Variants in MYH15 observed in about 807,000 individuals in gnomAD.
MYH15 encodes the protein myosin heavy chain 15, also known as myosin-15.
Under a neutral mutation model 240.5 loss-of-function variants are expected in MYH15, and 227 were observed. The ratio of observed to expected loss-of-function variants is 0.94; its 90% CI spans 0.85 to 1.05. MYH15 has a LOEUF of 1.05. MYH15 is among the 50% of genes least tolerant of loss of function. MYH15 has a pLI of 0.00. For synonymous variants in MYH15, 785 were observed against 796.7 expected, an observed-to-expected ratio of 0.99 and a Z score of 0.25; for missense variants, 2,217 against 2,247.5, an observed-to-expected ratio of 0.99 and a Z score of 0.27.
In MYH15 at chr3:108,454,148, G is replaced by A. The variant is rs750485778; in HGVS notation, c.2263-6C>T. The A allele has an allele frequency of 2.2e-5, 35 of 1,605,070 alleles. No individual in the cohort carries two copies. Among genetic ancestry groups the A allele is most frequent in the Admixed American group, 1.2e-4 (7 of 59,798 alleles). On this transcript the variant is annotated splice_region_variant and splice_polypyrimidine_tract_variant and intron_variant, in intron 20 of 40. Coordinates refer to ENST00000693548, the MANE Select transcript of MYH15 (RefSeq NM_014981.3). ...AACCCAGCTTTAAAAAACACCTAAAGGAAAAGTCAGATGTTAGCTCCACTG... is the reference window on the plus strand; with the variant it reads ...AACCCAGCTTTAAAAAACACCTAAAAGAAAAGTCAGATGTTAGCTCCACTG...
At chr3:108,504,988 A>T (rs1205591686) in intron 2 of MYH15, among the ~76,000 whole-genome samples, 1 of 152,198 alleles carries the variant, frequency 6.6e-6, no homozygotes, top group African/African-American at 2.4e-5. Context: ...GGCATTTGTC[A>T]TTACTGGCCA....
At position 108,505,746 on chromosome 3, in the gene MYH15, T is replaced by C; in HGVS notation, c.172A>G (p.Ile58Val). ...VKGSEDDGTV[I>V]VETADGESLS... is the part of the protein sequence containing the mutation. ...ACCTCTCCATCTGCTGTCTCAACAA[T>C]TACTGTTCCATCATCTTCACTCCCT... The change falls in exon 2 of 41, where the codon ATT becomes GTT. Residue 58 changes from isoleucine (I) to valine (V), a missense_variant. Transcript: ENST00000693548. 1 of 1,612,234 alleles carries C rather than the reference T, an allele frequency of 6.2e-7. No individual in the cohort carries two copies. Among genetic ancestry groups the C allele is most frequent in the Non-Finnish European group, 8.5e-7 (1 of 1,179,024 alleles).
At chr3:108,491,116 G>C (rs2688257) in intron 9 of MYH15, among the ~76,000 whole-genome samples, 27 of 152,016 alleles carry the variant, frequency 1.8e-4, no homozygotes, top group African/African-American at 6.5e-4. Context: ...TCAAACCCCT[G>C]ACCTCAAGCA....
intron 22 of MYH15, among the ~76,000 whole-genome samples, chr3:108,443,707 G>T (rs1197465637): frequency 6.6e-6 from 1 of 151,900 alleles, no homozygotes. Context: ...TGTATTATAT[G>T]ATCTGAGGGT....
intron 40 of MYH15, among the ~76,000 whole-genome samples, chr3:108,382,597 A>G (rs1460162361): frequency 6.6e-6 from 1 of 152,126 alleles, no homozygotes. Flanking sequence ...CATAGTAGAC[A>G]CATGTGTGAC....
chr3:108,426,817 G>T (rs576014765), intron 27 of MYH15, among the ~76,000 whole-genome samples: 4 of 152,184 alleles, frequency 2.6e-5, no homozygotes, highest in Non-Finnish European at 4.4e-5. Context: ...CCTGCCAGGG[G>T]GGGGCAGTGC....
the MYH15 span, among the ~76,000 whole-genome samples, chr3:108,535,602 A>T: frequency 6.6e-6 from 1 of 152,170 alleles, no homozygotes; most frequent in Non-Finnish European, 1.5e-5. Context: ...AGTAATCTGT[A>T]GTTTAACAAG....
Position 108,501,847 on chromosome 3 carries a change from G to A in MYH15, c.204C>T (p.Ser68=), listed in dbSNP as rs2083441216. Residue 68 remains serine (S), a synonymous_variant, in exon 3 of 41, where the codon AGC becomes AGT. Coordinates refer to ENST00000693548, the MANE Select transcript of MYH15 (RefSeq NM_014981.3). ...IVETADGESL[S]IKEDKIQQMN... ...TCTGCTGGATTTTGTCCTCCTTTAT[G>A]CTCAGACTCTGCAGAGAGAAGAAAA... The A allele has an allele frequency of 3.1e-6, 5 of 1,613,814 alleles. No homozygotes were observed. The highest frequency in any genetic ancestry group is 4.2e-6 in the Non-Finnish European group (5 of 1,179,776).
chr3:108,477,785 T>C (rs569630507), intron 11 of MYH15, among the ~76,000 whole-genome samples: 3 of 152,184 alleles, frequency 2.0e-5, no homozygotes, highest in Non-Finnish European at 2.9e-5. Context: ...AAAATTGTTT[T>C]ATGAAACAAA....
At chr3:108,542,489 G>T in the MYH15 span, among the ~76,000 whole-genome samples, 1 of 152,038 alleles carries the variant, frequency 6.6e-6, no homozygotes, top group African/African-American at 2.4e-5. Flanking sequence ...TTTCAGACTG[G>T]CTTTTCATTT....
upstream of MYH15, chr3:108,510,598 A>AC (rs1314460888): frequency 1.9e-6 from 3 of 1,597,722 alleles, no homozygotes; most frequent in Admixed American, 3.6e-5. Flanking sequence ...CTGAAAAAAA[A>AC]AAATTGATAC....
the MYH15 span, among the ~76,000 whole-genome samples, chr3:108,549,257 T>G: frequency 2.0e-5 from 3 of 151,742 alleles, no homozygotes; most frequent in Non-Finnish European, 1.5e-5. Flanking sequence ...AAAAAAATAT[T>G]TACACACACT....
chr3:108,542,255 A>G, the MYH15 span, among the ~76,000 whole-genome samples: 2 of 152,192 alleles, frequency 1.3e-5, no homozygotes, highest in Non-Finnish European at 2.9e-5. Context: ...CAGTATTAAT[A>G]CATTAACCAT....
intron 19 of MYH15, 113 bp downstream of exon 19, chr3:108,456,653 T>A: frequency 1.4e-6 from 1 of 732,896 alleles, no homozygotes; most frequent in Non-Finnish European, 2.4e-6. Context: ...AACACATCGA[T>A]TTGTAGTCTG....
chr3:108,407,482 T>G (rs1164944833), intron 32 of MYH15, among the ~76,000 whole-genome samples: 1 of 152,204 alleles, frequency 6.6e-6, no homozygotes, highest in Non-Finnish European at 1.5e-5. Flanking sequence ...CATGATAAGA[T>G]GACTTCCTTG....
chr3:108,421,087 C>A lies in MYH15; in HGVS notation c.3829+1G>T. 6.2e-7 allele frequency: 1 copy of A among 1,614,014 alleles called. No individual in the cohort carries two copies. Among genetic ancestry groups the A allele is most frequent in the Non-Finnish European group, 8.5e-7 (1 of 1,179,908 alleles). ...ATGAGTCAAGCAGCATACTTACTTA[C>A]CACTCTCACTCCACAGCTTTGTCTT... On this transcript the variant is annotated splice_donor_variant, in intron 28 of 40. Transcript: ENST00000693548. LOFTEE classifies it high-confidence loss of function.
Position 108,428,637 on chromosome 3 carries a change from T to A in MYH15, c.3557A>T (p.Lys1186Met), listed in dbSNP as rs757474471. 3 of 1,613,954 alleles carry A rather than the reference T, an allele frequency of 1.9e-6. No homozygotes were observed. The East Asian group carries it at 6.7e-5, about 36-fold the overall frequency. ...CTCAGCCAGGCTGTCTGCATGTCTC[T>A]TCTTCAAAGATGCAGAAGTTGTCTC... is the stretch of plus-strand genomic sequence containing the variant. ...HFETTSASLK[K>M]RHADSLAELE... Residue 1186 changes from lysine (K) to methionine (M), a missense_variant, in exon 27 of 41, where the codon AAG becomes ATG. Physicochemically the swap from Lys to Met is moderately conservative, Grantham distance 95. Transcript: ENST00000693548.
At chr3:108,443,063 A>G (rs1002645548) in intron 22 of MYH15, among the ~76,000 whole-genome samples, 1 of 152,086 alleles carries the variant, frequency 6.6e-6, no homozygotes, top group African/African-American at 2.4e-5. Context: ...GCTACTTTCC[A>G]TCAGTAGGAA....
chr3:108,500,669 C>T (rs1350019123), intron 3 of MYH15, among the ~76,000 whole-genome samples: 1 of 152,154 alleles, frequency 6.6e-6, no homozygotes, highest in Non-Finnish European at 1.5e-5. Flanking sequence ...TCATGTGGGT[C>T]ACTCAGTCAC....
Sources: gnomAD v4.1 joint callset for allele counts (sites outside exome capture counted in the v4.1 genomes callset) on GRCh38, gnomAD v4.1.1 for gene constraint, MANE v1.5 for transcripts, NCBI Gene and HGNC (gene_info 2026-07-23, HGNC 2026-07-21) for gene names.